MLIP: variants seen among roughly 807,000 people sequenced by gnomAD.
The protein encoded by MLIP is muscular LMNA-interacting protein.
In MLIP, 79 loss-of-function variants were observed where a neutral mutation model predicts 84.8. That is an observed-to-expected ratio of 0.93 (90% CI 0.78 to 1.12). The LOEUF is 1.12. Among genes scored for constraint, MLIP ranks in the 50% most tolerant of loss-of-function variants. The pLI, the probability that MLIP is intolerant of heterozygous loss-of-function variation, is 0.00. For synonymous variants in MLIP, 504 were observed against 463.0 expected (o/e 1.09, Z -1.14); for missense variants, 1,257 against 1,160.6 (o/e 1.08, Z -1.21).
At chr6:54,052,283 G>A (rs1765420166) in intron 1 of MLIP, among the ~76,000 whole-genome samples, 1 of 152,064 alleles carries the variant, frequency 6.6e-6, no homozygotes, top group Non-Finnish European at 1.5e-5. Context: ...TGATAAATTG[G>A]ACCAGGACCA....
Position 54,141,312 on chromosome 6 carries a change from C to CTTTTTTTTTTTTTTT in MLIP, c.2217+3039_2217+3040insTTTTTTTTTTTTTTT, listed in dbSNP as rs376576497. The stretch of plus-strand genomic sequence containing the variant: ...GGCATCTGAATGCTGCTCAGCCTGC[C>CTTTTTTTTTTTTTTT]TTTTTTTTTTTTTGAGACACGTCCC... On this transcript the variant is annotated intron_variant, in intron 4 of 13. Coordinates refer to ENST00000502396, the MANE Select transcript of MLIP (RefSeq NM_001281747.2). Among the ~76,000 whole-genome samples, 3 of 128,460 alleles carry CTTTTTTTTTTTTTTT rather than the reference C, an allele frequency of 2.3e-5. 1 individual carries two copies. The highest frequency in any genetic ancestry group is 6.2e-5 in the African/African-American group (2 of 32,194). The allele number at this position is 128,460 out of a possible 152,430, so 84.3% of individuals were successfully genotyped here. A position where few individuals can be genotyped will look rare whatever the true frequency, so the allele number is the denominator to read the frequency against.
intron 1 of MLIP, among the ~76,000 whole-genome samples, chr6:54,113,699 A>G (rs1413069727): frequency 2.0e-5 from 3 of 152,150 alleles, no homozygotes; most frequent in Non-Finnish European, 2.9e-5. Context: ...ATTTAGAATC[A>G]TCTGGAATTA....
intron 1 of MLIP, among the ~76,000 whole-genome samples, chr6:54,078,130 G>T (rs1766915549): frequency 6.6e-6 from 1 of 152,174 alleles, no homozygotes; most frequent in Non-Finnish European, 1.5e-5. Context: ...TTCACCTACT[G>T]CTTCTTACTG....
chr6:54,154,080 T>G (rs1773758474), intron 5 of MLIP, among the ~76,000 whole-genome samples: 1 of 152,096 alleles, frequency 6.6e-6, no homozygotes, highest in Non-Finnish European at 1.5e-5. Flanking sequence ...ATTATCAAAT[T>G]GTATTTAATT....
At chr6:54,264,000 A>G (rs1205078616) in intron 13 of MLIP, among the ~76,000 whole-genome samples, 2 of 152,020 alleles carry the variant, frequency 1.3e-5, no homozygotes, top group Admixed American at 1.3e-4. Flanking sequence ...CCCAGTAAAA[A>G]CTTCACAAAG....
At chr6:54,174,661 G>A (rs1776104515) in intron 9 of MLIP, among the ~76,000 whole-genome samples, 1 of 151,884 alleles carries the variant, frequency 6.6e-6, no homozygotes, top group South Asian at 2.1e-4. Context: ...CTTCTCAGAT[G>A]GGTAGTTTGC....
chr6:54,058,413 T>C (rs770093506), intron 1 of MLIP, among the ~76,000 whole-genome samples: 37 of 152,192 alleles, frequency 2.4e-4, no homozygotes, highest in Non-Finnish European at 2.8e-4. Context: ...AGCATTCCAC[T>C]TGATAAGCTG....
At chr6:54,222,270 C>T (rs1355273535) in intron 11 of MLIP, among the ~76,000 whole-genome samples, 3 of 151,964 alleles carry the variant, frequency 2.0e-5, no homozygotes, top group Admixed American at 1.3e-4. Flanking sequence ...GTATACAGTA[C>T]ACTATTGTTA....
At chr6:54,118,067 G>A (rs867677399) in intron 1 of MLIP, among the ~76,000 whole-genome samples, 2 of 152,200 alleles carry the variant, frequency 1.3e-5, no homozygotes, top group Non-Finnish European at 2.9e-5. Context: ...TGAATTGGAA[G>A]AATAAGTGTT....
Position 54,213,719 on chromosome 6 carries a change from A to AC in MLIP, c.2718+11486_2718+11487insC, listed in dbSNP as rs1277381711. ...TGAGACTTTGTCTCAAAAAAAAAAA[A>AC]AAAAAAAAAAAAAAAAACAACAAAC... On this transcript the variant is annotated intron_variant, in intron 11 of 13. Transcript: ENST00000502396. 5.6e-4 allele frequency among the ~76,000 whole-genome samples: 67 copies of AC among 119,468 alleles called. 13 individuals carry two copies. The highest frequency in any genetic ancestry group is 9.0e-4 in the Non-Finnish European group (54 of 60,330). The allele number at this position is 119,468 out of a possible 152,430, so 78.4% of individuals were successfully genotyped here. A position where few individuals can be genotyped will look rare whatever the true frequency, so the allele number is the denominator to read the frequency against.
At chr6:54,155,917 C>T (rs112182322) in intron 5 of MLIP, among the ~76,000 whole-genome samples, 17 of 152,072 alleles carry the variant, frequency 1.1e-4, no homozygotes, top group African/African-American at 4.1e-4. Context: ...TGAATGAGCT[C>T]AAAGAATATT....
rs1314504406 is a variant in MLIP at position 54,195,391 on chromosome 6, A to G, written c.2589+5477A>G. Among the ~76,000 whole-genome samples the G allele has an allele frequency of 3.3e-5, 5 of 152,024 alleles. No homozygotes were observed. In the East Asian group the frequency reaches 9.6e-4, roughly 29 times the overall value. On this transcript the variant is annotated intron_variant, in intron 10 of 13. Transcript: ENST00000502396. ...CCCGAGAGCTTATTACTATAGTCAAAGGCAATTAAAAAACATCAGTCCATT... is the reference window on the plus strand; with the variant it reads ...CCCGAGAGCTTATTACTATAGTCAAGGGCAATTAAAAAACATCAGTCCATT...
intron 1 of MLIP, among the ~76,000 whole-genome samples, chr6:54,057,037 G>A (rs1186383273): frequency 6.6e-6 from 1 of 152,162 alleles, no homozygotes; most frequent in Non-Finnish European, 1.5e-5. Flanking sequence ...TGTCAGACAT[G>A]TTCTAAGCAT....
chr6:54,141,236 A>G lies in MLIP; in HGVS notation c.2217+2950A>G, dbSNP rs921340251. ...AATTGCTATGATATGTTAAATTCAG[A>G]TGTAGTTTAAAATACTATTTCACAT... On this transcript the variant is annotated intron_variant, in intron 4 of 13. Coordinates refer to ENST00000502396, the MANE Select transcript of MLIP (RefSeq NM_001281747.2). Among the ~76,000 whole-genome samples, 74 of 151,686 alleles carry G rather than the reference A, an allele frequency of 4.9e-4. 2 individuals carry two copies. The highest frequency in any genetic ancestry group is 5.9e-5 in the Non-Finnish European group (4 of 67,958).
intron 11 of MLIP, chr6:54,215,323 G>GA (rs1582526752): frequency 5.1e-6 from 7 of 1,369,218 alleles, no homozygotes; most frequent in African/African-American, 4.5e-5. Flanking sequence ...TGTGATTTTT[G>GA]AAAAAATCAG....
At chr6:54,083,659 A>T (rs1243077490) in intron 1 of MLIP, 2 of 1,528,302 alleles carry the variant, frequency 1.3e-6, no homozygotes, top group South Asian at 2.4e-5. Flanking sequence ...TGATACTGTC[A>T]CCCTGTTATA....
intron 12 of MLIP, among the ~76,000 whole-genome samples, chr6:54,241,302 G>GTGTA (rs1373818673): frequency 2.0e-5 from 3 of 150,776 alleles, no homozygotes; most frequent in Non-Finnish European, 4.4e-5. Flanking sequence ...TATGGAGAGA[G>GTGTA]TGTATGTATA....
chr6:54,131,272 TA>T (rs1401804466), intron 3 of MLIP, among the ~76,000 whole-genome samples: 2 of 152,182 alleles, frequency 1.3e-5, no homozygotes, highest in Non-Finnish European at 2.9e-5. Context: ...TGGCAGAATT[TA>T]TTTCCTTGAG....
intron 1 of MLIP, among the ~76,000 whole-genome samples, chr6:54,088,634 C>T (rs778990685): frequency 5.3e-5 from 8 of 152,154 alleles, no homozygotes; most frequent in Non-Finnish European, 7.4e-5. Context: ...AAAAGCTTGT[C>T]ATATAAAAAG....
Sources: allele counts gnomAD v4.1 joint callset (sites outside exome capture counted in the v4.1 genomes callset), GRCh38; gene constraint gnomAD v4.1.1; transcripts MANE v1.5; gene names NCBI Gene and HGNC (gene_info 2026-07-23, HGNC 2026-07-21).